Variants in CHL1 observed in about 807,000 individuals in gnomAD.
CHL1 encodes the protein cell adhesion molecule L1 like.
CHL1 carries 96 observed loss-of-function variants against 141.9 expected under a neutral mutation model. The observed-to-expected ratio is 0.68, with a 90% CI of 0.57 to 0.80. CHL1 has a LOEUF of 0.80. Ranked by LOEUF, CHL1 falls within the 30% of genes least tolerant of loss-of-function variation. The pLI, the probability that CHL1 is intolerant of heterozygous loss-of-function variation, is 0.00. For missense variants in CHL1, 1,820 were observed against 1,457.2 expected, an observed-to-expected ratio of 1.25 and a Z score of -4.05; for synonymous variants, 613 against 502.2, an observed-to-expected ratio of 1.22 and a Z score of -2.95.
At chr3:328,054 A>G in intron 4 of CHL1, 113 bp from the exon 5 acceptor site, 1 of 725,868 alleles carries the variant, frequency 1.4e-6, no homozygotes, top group Non-Finnish European at 2.2e-6. Context: ...CATTAAGTAT[A>G]TACTTTTTAT....
intron 15 of CHL1, among the ~76,000 whole-genome samples, chr3:369,668 C>G (rs899539825): frequency 2.0e-5 from 3 of 152,156 alleles, no homozygotes; most frequent in African/African-American, 7.2e-5. Context: ...GCATCCTTGT[C>G]TTGTACTAGT....
chr3:381,222 T>A (rs1706996579), intron 16 of CHL1, among the ~76,000 whole-genome samples: 1 of 152,058 alleles, frequency 6.6e-6, no homozygotes, highest in Non-Finnish European at 1.5e-5. Flanking sequence ...GGAGGACATG[T>A]GGAGATGCTG....
intron 20 of CHL1, 51 bp downstream of exon 20, chr3:389,525 A>G (rs1480409648): frequency 1.5e-6 from 2 of 1,375,300 alleles, no homozygotes; most frequent in African/African-American, 2.8e-5. Flanking sequence ...GTTGCTTTCA[A>G]ATATATTGTA....
intron 9 of CHL1, among the ~76,000 whole-genome samples, chr3:348,560 A>G (rs547616053): frequency 4.6e-5 from 7 of 152,304 alleles, no homozygotes; most frequent in Admixed American, 2.6e-4. Flanking sequence ...TTCTTAATGT[A>G]GCTGCCTTGA....
chr3:333,423 T>A, intron 5 of CHL1, among the ~76,000 whole-genome samples: 1 of 152,124 alleles, frequency 6.6e-6, no homozygotes, highest in East Asian at 1.9e-4. Flanking sequence ...CAATCTCCTG[T>A]TAACAAACAG....
intron 2 of CHL1, among the ~76,000 whole-genome samples, chr3:253,637 A>G (rs1693906276): frequency 6.6e-6 from 1 of 152,216 alleles, no homozygotes; most frequent in Admixed American, 6.6e-5. Context: ...GTTAACATGT[A>G]TTACTCACAA....
intron 2 of CHL1, among the ~76,000 whole-genome samples, chr3:253,586 C>G (rs1192920626): frequency 6.6e-6 from 1 of 152,084 alleles, no homozygotes; most frequent in African/African-American, 2.4e-5. Flanking sequence ...TAATGTAATC[C>G]AATAATACAA....
rs1286726671 is a variant in CHL1 at position 342,020 on chromosome 3, C to T, written c.617C>T (p.Ala206Val). The change falls in exon 7 of 28, where the codon GCT becomes GTT. Residue 206 changes from alanine to valine, a missense_variant. Transcript: ENST00000256509. ...KDSRNDYCCF[A>V]AFPRLRTIVQ... ...AGTCGCAATGACTACTGTTGCTTTGCTGCATTTCCAAGATTAAGGACTATT... is the reference window on the plus strand; with the variant it reads ...AGTCGCAATGACTACTGTTGCTTTGTTGCATTTCCAAGATTAAGGACTATT... 3 of 1,613,530 alleles carry T rather than the reference C, an allele frequency of 1.9e-6. No individual in the cohort carries two copies. The highest frequency in any genetic ancestry group is 2.2e-5 in the South Asian group (2 of 91,016).
intron 2 of CHL1, among the ~76,000 whole-genome samples, chr3:312,143 AAATGATATTATT>A (rs1270593004): frequency 6.6e-6 from 1 of 152,230 alleles, no homozygotes; most frequent in Non-Finnish European, 1.5e-5. Flanking sequence ...CTATTTAAAT[AAATGATATTATT>A]AATGATATTA....
chr3:364,015 C>T (rs532965728), intron 14 of CHL1: 2 of 152,244 alleles, frequency 1.3e-5, no homozygotes, highest in Admixed American at 6.5e-5. Flanking sequence ...GCCTGCTTCT[C>T]ACTTCCACCT....
intron 24 of CHL1, among the ~76,000 whole-genome samples, chr3:397,037 C>T (rs1253336707): frequency 6.6e-6 from 1 of 152,030 alleles, no homozygotes; most frequent in Non-Finnish European, 1.5e-5. Flanking sequence ...AAGTATTTTT[C>T]TCTGATTGTT....
At chr3:329,028 C>T (rs558478318) in intron 5 of CHL1, among the ~76,000 whole-genome samples, 1 of 152,234 alleles carries the variant, frequency 6.6e-6, no homozygotes, top group Admixed American at 6.6e-5. Context: ...TTGTGTAAAA[C>T]TGCAAGACAC....
At chr3:249,775 A>T (rs1693513496) in intron 2 of CHL1, among the ~76,000 whole-genome samples, 1 of 152,112 alleles carries the variant, frequency 6.6e-6, no homozygotes, top group South Asian at 2.1e-4. Context: ...CTAATTGTTA[A>T]CTTCCTGTTA....
At chr3:330,428 T>C (rs1257814789) in intron 5 of CHL1, among the ~76,000 whole-genome samples, 1 of 152,066 alleles carries the variant, frequency 6.6e-6, no homozygotes, top group African/African-American at 2.4e-5. Context: ...AACATAATTT[T>C]AGGATAAAAA....
At chr3:225,703 C>T (rs1001349860) in intron 1 of CHL1, among the ~76,000 whole-genome samples, 7 of 151,968 alleles carry the variant, frequency 4.6e-5, no homozygotes, top group Non-Finnish European at 5.9e-5. Flanking sequence ...TAAAATCAAG[C>T]GAGGAACAGT....
intron 12 of CHL1, 60 bp downstream of exon 12, chr3:360,484 A>G (rs1704128424): frequency 2.6e-6 from 4 of 1,562,520 alleles, no homozygotes; most frequent in South Asian, 1.1e-5. Flanking sequence ...GGTCAAGGTC[A>G]TGTTCAGAAG....
At position 326,063 on chromosome 3, in the gene CHL1, A is replaced by T. The variant is rs1700984755; in HGVS notation, c.196A>T (p.Thr66Ser). The change falls in exon 4 of 28, where the codon ACA becomes TCA. Residue 66 changes from threonine to serine, a missense_variant and splice_region_variant. Thr to Ser is a moderately conservative substitution (Grantham distance 58). Transcript: ENST00000256509. ...TGAAGCTAAAGGAAATCCAGAACCA[A>T]CGTGAGTATTGTTTCAAACGAAGTG... ...ECEAKGNPEP[T>S]FSWTKDGNPF... is the part of the protein sequence containing the mutation. 1 of 1,594,146 alleles carries T rather than the reference A, an allele frequency of 6.3e-7. No individual in the cohort carries two copies. Among genetic ancestry groups the T allele is most frequent in the Non-Finnish European group, 8.6e-7 (1 of 1,163,234 alleles).
At chr3:375,432 T>C (rs1706192956) in intron 15 of CHL1, among the ~76,000 whole-genome samples, 2 of 151,672 alleles carry the variant, frequency 1.3e-5, no homozygotes, top group South Asian at 4.2e-4. Flanking sequence ...GCTGCTTTTT[T>C]CCCCCTCCAG....
chr3:279,879 T>C (rs1240488425), intron 2 of CHL1, among the ~76,000 whole-genome samples: 1 of 152,178 alleles, frequency 6.6e-6, no homozygotes, highest in Non-Finnish European at 1.5e-5. Context: ...AGGGATAAAA[T>C]TGCACTTGAG....
Sources: allele counts gnomAD v4.1 joint callset (sites outside exome capture counted in the v4.1 genomes callset), GRCh38; gene constraint gnomAD v4.1.1; transcripts MANE v1.5; gene names NCBI Gene and HGNC (gene_info 2026-07-23, HGNC 2026-07-21).